Variants in NOMO1 observed in about 807,000 individuals in gnomAD.
NOMO1 encodes nodal modulator 3.
A neutral mutation model predicts 133.8 loss-of-function variants in NOMO1; 40 were observed. That is an observed-to-expected ratio of 0.30 (90% CI 0.23 to 0.39). NOMO1 has a LOEUF of 0.39. Ranked by LOEUF, NOMO1 falls within the 10% of genes least tolerant of loss-of-function variation. The pLI, the probability that NOMO1 is intolerant of heterozygous loss-of-function variation, is 1.00. For synonymous variants in NOMO1, 236 were observed against 570.5 expected (o/e 0.41, Z 8.36); for missense variants, 462 against 1,419.9 (o/e 0.33, Z 10.84).
chr16:14,892,609 TAAA>T (rs757049459), intron 29 of NOMO1, among the ~76,000 whole-genome samples: 5 of 105,804 alleles, frequency 4.7e-5, no homozygotes, highest in African/African-American at 1.8e-4. Context: ...AAAGTATAAT[TAAA>T]AAAAAAAAAA....
intron 2 of NOMO1, among the ~76,000 whole-genome samples, chr16:14,839,769 T>A (rs1439631032): frequency 6.6e-6 from 1 of 151,106 alleles, no homozygotes; most frequent in African/African-American, 2.4e-5. Flanking sequence ...TGAGACAGAG[T>A]GTCACTCTGT....
chr16:14,840,586 C>G lies in NOMO1; in HGVS notation c.256-776C>G, dbSNP rs548774598. 1.4e-3 allele frequency among the ~76,000 whole-genome samples: 178 copies of G among 127,114 alleles called. 1 individual carries two copies. The highest frequency in any genetic ancestry group is 4.0e-3 in the Middle Eastern group (1 of 252). The allele number at this position is 127,114 out of a possible 152,430, so 83.4% of individuals were successfully genotyped here. On this transcript the variant is annotated intron_variant, in intron 2 of 30. Coordinates refer to ENST00000287667, the MANE Select transcript of NOMO1 (RefSeq NM_014287.4). ...TGGGCAACAGAGCGAGGCTCCATCT[C>G]AAAAAAAAAAAACTAAAACAAAAAC...
chr16:14,836,674 AAACT>A (rs1168214495), intron 1 of NOMO1, among the ~76,000 whole-genome samples: 1 of 151,620 alleles, frequency 6.6e-6, no homozygotes, highest in Non-Finnish European at 1.5e-5. Context: ...ATAGTAATAC[AAACT>A]GCTTTTTCCA....
At position 14,894,413 on chromosome 16, in the gene NOMO1, G is replaced by T. The variant is rs577724845; in HGVS notation, c.3445-585G>T. Among the ~76,000 whole-genome samples, 557 of 152,166 alleles carry T rather than the reference G, an allele frequency of 3.7e-3. 3 individuals are homozygous for T. The highest frequency in any genetic ancestry group is 0.017 in the Middle Eastern group (5 of 294). On this transcript the variant is annotated intron_variant, in intron 29 of 30. Coordinates refer to ENST00000287667, the MANE Select transcript of NOMO1 (RefSeq NM_014287.4). Reference sequence around the variant, plus strand: ...GTTCCAGGGCTGCGCCTGCTGCAGGGGAGGCTGGAAAAGGTGATCTATATT... The same window carrying T: ...GTTCCAGGGCTGCGCCTGCTGCAGGTGAGGCTGGAAAAGGTGATCTATATT...
At position 14,866,686 on chromosome 16, in the gene NOMO1, A is replaced by G. The variant is rs761928018; in HGVS notation, c.1801A>G (p.Thr601Ala). The change falls in exon 15 of 31, where the codon ACT becomes GCT. Residue 601 changes from threonine to alanine, a missense_variant. Physicochemically the swap from Thr to Ala is moderately conservative, Grantham distance 58. Coordinates refer to ENST00000287667, the MANE Select transcript of NOMO1 (RefSeq NM_014287.4). Reference sequence around the variant, plus strand: ...GAGATGTTCCCTGTCTCACGCCATCACTCTGGTATGTACGGCTTATTGAGT... The same window carrying G: ...GAGATGTTCCCTGTCTCACGCCATCGCTCTGGTATGTACGGCTTATTGAGT... ...MLRCSLSHAITLEFYQDGNGR... is the reference protein window; with the variant it reads ...MLRCSLSHAIALEFYQDGNGR... The G allele has an allele frequency of 1.2e-6, 2 of 1,609,820 alleles. No homozygotes were observed. The highest frequency in any genetic ancestry group is 1.1e-5 in the South Asian group (1 of 90,918).
chr16:14,864,564 G>A (rs551037320), intron 12 of NOMO1, 21 bp from the exon 13 acceptor site: 33 of 1,613,034 alleles, frequency 2.0e-5, no homozygotes, highest in Admixed American at 1.8e-4. Flanking sequence ...AGCCTCTAAC[G>A]TTCCATCCAC....
At chr16:14,892,231 CAAGACTGTTTCAAA>C (rs1964414745) in intron 29 of NOMO1, among the ~76,000 whole-genome samples, 1 of 150,682 alleles carries the variant, frequency 6.6e-6, no homozygotes, top group Non-Finnish European at 1.5e-5. Context: ...GGCGACAGAG[CAAGACTGTTTCAAA>C]AAAAAAAAAG....
intron 29 of NOMO1, among the ~76,000 whole-genome samples, chr16:14,889,537 G>GA (rs906719747): frequency 2.3e-4 from 35 of 150,010 alleles, no homozygotes; most frequent in Middle Eastern, 6.8e-3. Context: ...TTCTCCAGAA[G>GA]AAAAAAAACA....
intron 3 of NOMO1, among the ~76,000 whole-genome samples, chr16:14,842,931 A>T (rs1422913906): frequency 1.3e-5 from 2 of 150,548 alleles, no homozygotes; most frequent in African/African-American, 4.9e-5. Context: ...ATTTTATTTT[A>T]TTTTTTCTTT....
At chr16:14,887,380 G>A (rs919591067) in intron 28 of NOMO1, among the ~76,000 whole-genome samples, 22 of 151,198 alleles carry the variant, frequency 1.5e-4, no homozygotes, top group Admixed American at 3.3e-4. Flanking sequence ...TGCAAGCTCC[G>A]CCTCCTGGGT....
intron 18 of NOMO1, among the ~76,000 whole-genome samples, chr16:14,873,375 G>T (rs1424107783): frequency 7.5e-6 from 1 of 133,022 alleles, no homozygotes; most frequent in Non-Finnish European, 1.7e-5. Flanking sequence ...GAGGCAGGGG[G>T]AGGCAATGGG....
intron 16 of NOMO1, among the ~76,000 whole-genome samples, chr16:14,869,753 AT>A: frequency 6.6e-6 from 1 of 151,800 alleles, no homozygotes; most frequent in East Asian, 1.9e-4. Context: ...TCTTGTTTCG[AT>A]ACCTGGGAAT....
intron 18 of NOMO1, 122 bp from the exon 19 acceptor site, chr16:14,874,914 C>G: frequency 2.6e-6 from 2 of 766,590 alleles, no homozygotes; most frequent in Non-Finnish European, 4.3e-6. Context: ...GAAGACTCCG[C>G]CACTGTGGTG....
chr16:14,889,093 C>T lies in NOMO1; in HGVS notation c.3325-3C>T, dbSNP rs540575818. 1.7e-5 allele frequency: 28 copies of T among 1,611,776 alleles called. No individual in the cohort carries two copies. The East Asian group carries it at 5.6e-4, about 32-fold the overall frequency. The stretch of plus-strand genomic sequence containing the variant: ...AAAATAACTTCTTCCCATGTGTGCA[C>T]AGAACTATGTTGTGCTTCTGGACTC... On this transcript the variant is annotated splice_region_variant and splice_polypyrimidine_tract_variant and intron_variant, in intron 28 of 30. Transcript: ENST00000287667.
chr16:14,837,367 T>C lies in NOMO1; in HGVS notation c.166-1040T>C, dbSNP rs572655798. Among the ~76,000 whole-genome samples, 554 of 152,216 alleles carry C rather than the reference T, an allele frequency of 3.6e-3. 8 individuals are homozygous for C. The highest frequency in any genetic ancestry group is 6.9e-3 in the Non-Finnish European group (467 of 68,012). On this transcript the variant is annotated intron_variant, in intron 1 of 30. Coordinates refer to ENST00000287667, the MANE Select transcript of NOMO1 (RefSeq NM_014287.4). ...AGCAGGTGCTTAATATGCATTGATG[T>C]GAATCTGTACAACCACATGAAAAGG...
intron 1 of NOMO1, among the ~76,000 whole-genome samples, chr16:14,834,477 GCTC>G (rs1182584372): frequency 1.4e-5 from 2 of 147,652 alleles, no homozygotes; most frequent in African/African-American, 2.5e-5. Flanking sequence ...CTAATCCACT[GCTC>G]CTCCAAACCC....
chr16:14,869,575 AGTTT>A (rs1052519903), intron 16 of NOMO1, among the ~76,000 whole-genome samples: 8 of 129,824 alleles, frequency 6.2e-5, no homozygotes, highest in Non-Finnish European at 9.7e-5. Context: ...ACATATCAGT[AGTTT>A]GTTCTGTTAC....
rs1439348974 is a variant in NOMO1, at chr16:14,887,006, T to C, written c.3324+144T>C. ...CTGAATCAAAAGAGGTTGGGTTCTG[T>C]AGGGATTATTTTTTCTTCATTGTTT... On this transcript the variant is annotated intron_variant, in intron 28 of 30. Transcript: ENST00000287667. 6 of 956,006 alleles carry C rather than the reference T, an allele frequency of 6.3e-6. No homozygotes were observed. The East Asian group carries it at 1.5e-4, about 24-fold the overall frequency. 59.2% of individuals were successfully genotyped at this position (956,006 alleles called of 1,614,324 possible).
chr16:14,894,206 G>A (rs1432415866), intron 29 of NOMO1, among the ~76,000 whole-genome samples: 1 of 151,988 alleles, frequency 6.6e-6, no homozygotes, highest in Non-Finnish European at 1.5e-5. Flanking sequence ...TAGCTCCAAG[G>A]CGTCAGGGGA....
Sources: allele counts gnomAD v4.1 joint callset (sites outside exome capture counted in the v4.1 genomes callset), GRCh38; gene constraint gnomAD v4.1.1; transcripts MANE v1.5; gene names NCBI Gene and HGNC (gene_info 2026-07-23, HGNC 2026-07-21).